The following PTK6 variants were observed in gnomAD, a reference collection of about 807,000 sequenced individuals.
PTK6 encodes the protein protein-tyrosine kinase 6.
PTK6 carries 47 observed loss-of-function variants against 47.5 expected under a neutral mutation model. The ratio of observed to expected loss-of-function variants is 0.99; its 90% CI spans 0.78 to 1.26. The LOEUF (loss-of-function observed/expected upper bound fraction) is 1.26, where lower values mean the gene tolerates loss of function less well. Ranked by LOEUF, PTK6 falls within the 50% of genes most tolerant of loss-of-function variation. The pLI, the probability that PTK6 is intolerant of heterozygous loss-of-function variation, is 0.00. For synonymous variants in PTK6, 287 were observed against 276.5 expected (o/e 1.04, Z -0.38); for missense variants, 618 against 625.3 (o/e 0.99, Z 0.12).
At chr20:63,531,451 T>A (rs1294302325) in intron 5 of PTK6, among the ~76,000 whole-genome samples, 7 of 122,466 alleles carry the variant, frequency 5.7e-5, no homozygotes, top group South Asian at 2.7e-4. Flanking sequence ...TATATATATA[T>A]ATATATATAT....
In PTK6 at chr20:63,528,407, T is replaced by TC. The variant is rs201901232; in HGVS notation, c.*1128_*1129insG. 2 of 140,032 alleles carry TC rather than the reference T, an allele frequency of 1.4e-5. No homozygotes were observed. The highest frequency in any genetic ancestry group is 2.0e-4 in the East Asian group (1 of 5,056). The allele number at this position is 140,032 out of a possible 1,614,324, so 8.7% of individuals were successfully genotyped here. On this transcript the variant is annotated 3_prime_UTR_variant, in exon 8 of 8. Coordinates refer to ENST00000542869, the MANE Select transcript of PTK6 (RefSeq NM_005975.4). ...CCAAAATTATTTTTCTTTCTTTCTT[T>TC]TTTTTTTTTTTTTTTTTGAGATGGA...
rs983978794 is a variant in PTK6 at position 63,529,822 on chromosome 20, G to A, written c.1169-99C>T. On this transcript the variant is annotated intron_variant, in intron 7 of 7. Coordinates refer to ENST00000542869, the MANE Select transcript of PTK6 (RefSeq NM_005975.4). This position sits in a 1 kb window ranked among gnomAD's most constrained non-coding sequence, Gnocchi z 5.6. ...ACTGCCCCTTCCTGGGGCCTTCCCC[G>A]CAGCCTCAGCTGCCATGCCTTGGCG... The A allele has an allele frequency of 1.8e-4, 231 of 1,317,650 alleles. 1 individual carries two copies. The highest frequency in any genetic ancestry group is 1.0e-4 in the Non-Finnish European group (98 of 972,676). The allele number at this position is 1,317,650 out of a possible 1,614,324, so 81.6% of individuals were successfully genotyped here.
At position 63,533,643 on chromosome 20, in the gene PTK6, A is replaced by G; in HGVS notation, c.578T>C (p.Leu193Pro). The G allele has an allele frequency of 6.2e-7, 1 of 1,613,832 alleles. No individual in the cohort carries two copies. The highest frequency in any genetic ancestry group is 1.3e-5 in the African/African-American group (1 of 74,974). ...DWERPREEFT[L>P]CRKLGSGYFG... ...GTAGCCGGACCCCAGCTTCCTGCAG[A>G]GCGTGAACTCCTCCCTCGGCCTCTC... The change falls in exon 4 of 8, where the codon CTC (leucine) becomes CCC (proline). Residue 193 changes from leucine (L) to proline (P), a missense_variant. By Grantham distance (98) the Leu-to-Pro change is moderately conservative. Coordinates refer to ENST00000542869, the MANE Select transcript of PTK6 (RefSeq NM_005975.4). The surrounding 1 kb of genome is among the most constrained non-coding windows in gnomAD (Gnocchi z 4.0).
At chr20:63,532,268 ATGTCTGTGTG>A (rs2082628374) in intron 5 of PTK6, among the ~76,000 whole-genome samples, 1 of 140,098 alleles carries the variant, frequency 7.1e-6, no homozygotes, top group African/African-American at 2.6e-5. Context: ...GTCTATGTGT[ATGTCTGTGTG>A]TGTCATGTGA....
chr20:63,537,063 C>T (rs768785850), intron 1 of PTK6, 22 bp downstream of exon 1: 3 of 1,587,136 alleles, frequency 1.9e-6, no homozygotes, highest in South Asian at 1.1e-5. Flanking sequence ...TGCCAAAGCT[C>T]CCAGCAGCCT....
Position 63,530,541 on chromosome 20 carries a change from G to A in PTK6, c.1014+205C>T, listed in dbSNP as rs1569009947. ...GGCACGTGAACAAGGCAGCGGCTGC[G>A]TGGTGGGCCCTGCTGTGCGTGCCAT... On this transcript the variant is annotated intron_variant, in intron 6 of 7. Transcript: ENST00000542869. This position sits in a 1 kb window ranked among gnomAD's most constrained non-coding sequence, Gnocchi z 4.1. 1.3e-5 allele frequency among the ~76,000 whole-genome samples: 2 copies of A among 152,192 alleles called. No homozygotes were observed. Among genetic ancestry groups the A allele is most frequent in the South Asian group, 2.1e-4 (1 of 4,836 alleles).
Position 63,529,847 on chromosome 20 carries a change from G to T in PTK6, c.1169-124C>A. On this transcript the variant is annotated intron_variant, in intron 7 of 7. Transcript: ENST00000542869. The surrounding 1 kb of genome is among the most constrained non-coding windows in gnomAD (Gnocchi z 5.6). Reference sequence around the variant, plus strand: ...GCAGCCTCAGCTGCCATGCCTTGGCGCCACCCAGCACACTGTCCACTGCTA... The same window carrying T: ...GCAGCCTCAGCTGCCATGCCTTGGCTCCACCCAGCACACTGTCCACTGCTA... 1 of 1,195,428 alleles carries T rather than the reference G, an allele frequency of 8.4e-7. No individual in the cohort carries two copies. Among genetic ancestry groups the T allele is most frequent in the Non-Finnish European group, 1.2e-6 (1 of 869,112 alleles). 74.1% of individuals were successfully genotyped at this position (1,195,428 alleles called of 1,614,324 possible). A position where few individuals can be genotyped will look rare whatever the true frequency, so the allele number is the denominator to read the frequency against.
chr20:63,533,553 C>A lies in PTK6; in HGVS notation c.668G>T (p.Arg223Leu). The A allele has an allele frequency of 1.2e-6, 2 of 1,606,868 alleles. No individual in the cohort carries two copies. Among genetic ancestry groups the A allele is most frequent in the South Asian group, 2.2e-5 (2 of 90,152 alleles). Residue 223 changes from arginine (R) to leucine (L), a missense_variant and splice_region_variant, in exon 4 of 8, where the codon CGA (arginine) becomes CTA (leucine). Coordinates refer to ENST00000542869, the MANE Select transcript of PTK6 (RefSeq NM_005975.4). The surrounding 1 kb of genome is among the most constrained non-coding windows in gnomAD (Gnocchi z 4.0). Reference sequence around the variant, plus strand: ...AGCCCTGATCGGGGCCCACTCACCTCGAGAAATCACCTTAATGGCCACCTG... The same window carrying A: ...AGCCCTGATCGGGGCCCACTCACCTAGAGAAATCACCTTAATGGCCACCTG... ...RVQVAIKVISRDNLLHQQMLQ... is the reference protein window; with the variant it reads ...RVQVAIKVISLDNLLHQQMLQ...
chr20:63,531,170 C>T (rs2082616268), intron 5 of PTK6, among the ~76,000 whole-genome samples: 1 of 151,078 alleles, frequency 6.6e-6, no homozygotes, highest in African/African-American at 2.4e-5. Flanking sequence ...GCCTGTAATC[C>T]CAGCACTTTG....
intron 5 of PTK6, among the ~76,000 whole-genome samples, chr20:63,531,437 A>AAAAAAAT (rs1311835682): frequency 2.1e-5 from 2 of 94,926 alleles, no homozygotes; most frequent in South Asian, 3.3e-4. Context: ...AAAAAAAAAA[A>AAAAAAAT]ATATATATAT....
In PTK6 at chr20:63,534,352, C is replaced by T. The variant is rs372926088; in HGVS notation, c.353-37G>A. 18 of 1,543,990 alleles carry T rather than the reference C, an allele frequency of 1.2e-5. No homozygotes were observed. In the African/African-American group the frequency reaches 1.8e-4, roughly 15 times the overall value. On this transcript the variant is annotated intron_variant, in intron 2 of 7. Transcript: ENST00000542869. ...AGCGTGAGCTGTGTGGCCACCCCAA[C>T]TCCGACGCCTCCCTGCGTCCCCAGC...
intron 1 of PTK6, among the ~76,000 whole-genome samples, chr20:63,535,604 G>T (rs1392778660): frequency 2.0e-5 from 3 of 151,966 alleles, no homozygotes; most frequent in African/African-American, 7.3e-5. Context: ...GAAGCTCCAG[G>T]TGACCTGCGC....
At chr20:63,532,411 CTG>C (rs890536115) in intron 5 of PTK6, 113 bp downstream of exon 5, 6 of 1,313,296 alleles carry the variant, frequency 4.6e-6, no homozygotes, top group African/African-American at 3.1e-5. Flanking sequence ...ATGTGTGTGT[CTG>C]TGTGTCTGTG....
chr20:63,536,647 C>T (rs1248333017), intron 1 of PTK6, among the ~76,000 whole-genome samples: 5 of 152,132 alleles, frequency 3.3e-5, no homozygotes, highest in East Asian at 1.9e-4. Context: ...CTAACTAGGT[C>T]GTGTGTCTGG....
rs775946020 is a variant in PTK6, at chr20:63,529,281, G to C, written c.*255C>G. On this transcript the variant is annotated 3_prime_UTR_variant, in exon 8 of 8. Transcript: ENST00000542869. This position sits in a 1 kb window ranked among gnomAD's most constrained non-coding sequence, Gnocchi z 5.6. ...GTCCCCTCTGACCTCTGCTGGCTTC[G>C]TGTCAGTCTCCCGGATCTCATCTGC... The C allele has an allele frequency of 2.6e-6, 1 of 378,198 alleles. No individual in the cohort carries two copies. Among genetic ancestry groups the C allele is most frequent in the African/African-American group, 2.1e-5 (1 of 47,220 alleles). 23.4% of individuals were successfully genotyped at this position (378,198 alleles called of 1,614,324 possible).
In PTK6 at chr20:63,534,229, T is replaced by C; in HGVS notation, c.439A>G (p.Ser147Gly). 1 of 1,603,260 alleles carries C rather than the reference T, an allele frequency of 6.2e-7. No homozygotes were observed. The highest frequency in any genetic ancestry group is 8.5e-7 in the Non-Finnish European group (1 of 1,176,106). The stretch of plus-strand genomic sequence containing the variant: ...TGGTAGTTCACAAGCTCGGGCAGGC[T>C]GAGGAAGGACACCGCCTCGTTCAGG... ...LHLNEAVSFL[S>G]LPELVNYHRA... The change falls in exon 3 of 8, where the codon AGC (serine) becomes GGC (glycine). Residue 147 changes from serine (S) to glycine (G), a missense_variant. Ser to Gly is a moderately conservative substitution (Grantham distance 56, BLOSUM62 0). Transcript: ENST00000542869.
rs918158489 is a variant in PTK6, at chr20:63,533,070, C to CT, written c.671-384dup. Reference sequence around the variant, plus strand: ...GATTTTAAATTTTCTTTCTTTCTTTCTTTTTTTTTTTTCCCAAGACGGGGT... The same window carrying CT: ...GATTTTAAATTTTCTTTCTTTCTTTCTTTTTTTTTTTTTCCCAAGACGGGGT... On this transcript the variant is annotated intron_variant, in intron 4 of 7. Coordinates refer to ENST00000542869, the MANE Select transcript of PTK6 (RefSeq NM_005975.4). This position sits in a 1 kb window ranked among gnomAD's most constrained non-coding sequence, Gnocchi z 4.0. Among the ~76,000 whole-genome samples, 75 of 144,292 alleles carry CT rather than the reference C, an allele frequency of 5.2e-4. No homozygotes were observed. Among genetic ancestry groups the CT allele is most frequent in the South Asian group, 2.4e-3 (11 of 4,648 alleles). 94.7% of individuals were successfully genotyped at this position (144,292 alleles called of 152,430 possible). A position where few individuals can be genotyped will look rare whatever the true frequency, so the allele number is the denominator to read the frequency against.
intron 4 of PTK6, among the ~76,000 whole-genome samples, chr20:63,532,921 T>A (rs1000042747): frequency 6.6e-5 from 10 of 152,208 alleles, no homozygotes; most frequent in African/African-American, 2.4e-4. Flanking sequence ...GCCACCCGAT[T>A]TCTTCCTGTG....
intron 1 of PTK6, among the ~76,000 whole-genome samples, chr20:63,535,553 T>C (rs886229988): frequency 6.6e-6 from 1 of 151,984 alleles, no homozygotes; most frequent in Non-Finnish European, 1.5e-5. Context: ...CTGCGGGGTG[T>C]GGGCCAGCCC....
Sources: allele counts gnomAD v4.1 joint callset (sites outside exome capture counted in the v4.1 genomes callset), GRCh38; gene constraint gnomAD v4.1.1; non-coding constraint Gnocchi (gnomAD v3.1); transcripts MANE v1.5; gene names NCBI Gene and HGNC (gene_info 2026-07-23, HGNC 2026-07-21).